The following NELL1 variants were observed in gnomAD, a reference collection of about 807,000 sequenced individuals.
NELL1 encodes neural EGFL like 1.
In NELL1, 76 loss-of-function variants were observed where a neutral mutation model predicts 107.4. The ratio of observed to expected loss-of-function variants is 0.71; its 90% CI spans 0.59 to 0.86. NELL1 has a LOEUF of 0.86. Ranked by LOEUF, NELL1 falls within the 40% of genes least tolerant of loss-of-function variation. The probability of loss-of-function intolerance (pLI) is 0.00; values close to 1 mark genes in which losing one functional copy is unlikely to be tolerated. For synonymous variants in NELL1, 353 were observed against 341.2 expected (o/e 1.03, Z -0.38); for missense variants, 1,024 against 1,005.5 (o/e 1.02, Z -0.25).
chr11:21,127,700 G>A (rs1439426963), intron 13 of NELL1, among the ~76,000 whole-genome samples: 4 of 152,078 alleles, frequency 2.6e-5, no homozygotes, highest in East Asian at 1.9e-4. Context: ...TTTGCATTTA[G>A]GAGTATTTAT....
intron 13 of NELL1, among the ~76,000 whole-genome samples, chr11:21,182,722 C>A (rs1164901410): frequency 6.6e-6 from 1 of 151,544 alleles, no homozygotes; most frequent in Non-Finnish European, 1.5e-5. Context: ...TTCCCAGGTG[C>A]TAGAGTCTCT....
chr11:20,735,372 A>G (rs983121904), intron 2 of NELL1, among the ~76,000 whole-genome samples: 13 of 152,164 alleles, frequency 8.5e-5, no homozygotes, highest in African/African-American at 3.1e-4. Context: ...ACTTACAATC[A>G]TGACAGAAGG....
At chr11:20,699,900 G>C (rs976362868) in intron 2 of NELL1, among the ~76,000 whole-genome samples, 34 of 152,176 alleles carry the variant, frequency 2.2e-4, no homozygotes, top group African/African-American at 8.0e-4. Flanking sequence ...CTTACCAGCA[G>C]TGTAAAAGTG....
intron 12 of NELL1, among the ~76,000 whole-genome samples, chr11:21,058,823 C>T (rs1479638886): frequency 6.6e-6 from 1 of 152,232 alleles, no homozygotes; most frequent in Admixed American, 6.5e-5. Context: ...CATTGAGTGT[C>T]AGAGGGACTA....
chr11:21,214,492 T>A (rs1398271141), intron 13 of NELL1, among the ~76,000 whole-genome samples: 1 of 152,144 alleles, frequency 6.6e-6, no homozygotes, highest in Non-Finnish European at 1.5e-5. Context: ...CATAATGCAT[T>A]ATTTCTATAC....
chr11:21,240,314 G>A (rs1272312201), intron 14 of NELL1, among the ~76,000 whole-genome samples: 3 of 152,008 alleles, frequency 2.0e-5, no homozygotes, highest in African/African-American at 7.2e-5. Context: ...CAAAATCTCT[G>A]TCATAAAAAT....
At chr11:20,931,597 A>G (rs1176706079) in intron 9 of NELL1, among the ~76,000 whole-genome samples, 1 of 152,200 alleles carries the variant, frequency 6.6e-6, no homozygotes, top group Non-Finnish European at 1.5e-5. Context: ...AAAAAAGACA[A>G]AGAAAAAATT....
At chr11:21,234,578 A>G (rs923894858) in intron 14 of NELL1, among the ~76,000 whole-genome samples, 1 of 152,214 alleles carries the variant, frequency 6.6e-6, no homozygotes, top group South Asian at 2.1e-4. Context: ...AATTCAGGTC[A>G]CTGTAGAAAC....
intron 12 of NELL1, among the ~76,000 whole-genome samples, chr11:21,035,564 G>T (rs929379821): frequency 1.3e-5 from 2 of 151,280 alleles, no homozygotes; most frequent in Non-Finnish European, 2.9e-5. Context: ...TCCCTCGAAC[G>T]CAAGCTTGGT....
At chr11:20,707,880 C>G (rs1001198968) in intron 2 of NELL1, among the ~76,000 whole-genome samples, 5 of 152,214 alleles carry the variant, frequency 3.3e-5, no homozygotes, top group African/African-American at 1.2e-4. Context: ...AGCTGTCAGA[C>G]AGGGACGTTT....
At chr11:20,862,285 A>G (rs1848991725) in intron 4 of NELL1, among the ~76,000 whole-genome samples, 1 of 94,838 alleles carries the variant, frequency 1.1e-5, no homozygotes, top group South Asian at 3.8e-4. Flanking sequence ...GTTATTCAAG[A>G]GTCATTTTTT....
chr11:21,352,717 T>C (rs1158008649), intron 14 of NELL1, among the ~76,000 whole-genome samples: 1 of 152,162 alleles, frequency 6.6e-6, no homozygotes, highest in African/African-American at 2.4e-5. Flanking sequence ...TAGGCTAGTT[T>C]CTATTGCAAA....
chr11:20,910,449 A>G (rs1850102923), intron 5 of NELL1, among the ~76,000 whole-genome samples: 1 of 152,168 alleles, frequency 6.6e-6, no homozygotes, highest in African/African-American at 2.4e-5. Flanking sequence ...TCTATCACAT[A>G]CTTTCCAACT....
At chr11:20,753,004 T>C (rs1456027922) in intron 2 of NELL1, among the ~76,000 whole-genome samples, 1 of 152,220 alleles carries the variant, frequency 6.6e-6, no homozygotes, top group Non-Finnish European at 1.5e-5. Context: ...TGATTCAATT[T>C]TTCCTTCCGG....
rs148640547 is a variant in NELL1, at chr11:21,545,136, A to T, written c.1786+10622A>T. On this transcript the variant is annotated intron_variant, in intron 16 of 19. Transcript: ENST00000357134. ...CCCTAAGTTAAATGTTCCCAGTCAT[A>T]ATGTTTTTGACAAACATATTTCTTT... Among the ~76,000 whole-genome samples, 423 of 152,130 alleles carry T rather than the reference A, an allele frequency of 2.8e-3. 2 individuals are homozygous for T. The highest frequency in any genetic ancestry group is 2.8e-3 in the Non-Finnish European group (193 of 67,956).
chr11:20,969,437 A>C (rs12578081), intron 12 of NELL1, among the ~76,000 whole-genome samples: 1 of 152,078 alleles, frequency 6.6e-6, no homozygotes, highest in South Asian at 2.1e-4. Flanking sequence ...AGGATGCTTT[A>C]TAATTAAGAG....
chr11:21,282,499 G>T (rs1361159555), intron 14 of NELL1, among the ~76,000 whole-genome samples: 1 of 142,222 alleles, frequency 7.0e-6, no homozygotes, highest in Non-Finnish European at 1.5e-5. Flanking sequence ...AAAAAAAAAA[G>T]GCTTATATGC....
chr11:21,322,131 G>T (rs146901618), intron 14 of NELL1, among the ~76,000 whole-genome samples: 401 of 152,270 alleles, frequency 2.6e-3, no homozygotes, highest in African/African-American at 9.1e-3. Context: ...CTCCTGTTTT[G>T]CAATGACAGG....
At chr11:20,741,270 C>G (rs1257006988) in intron 2 of NELL1, among the ~76,000 whole-genome samples, 4 of 152,100 alleles carry the variant, frequency 2.6e-5, no homozygotes, top group Non-Finnish European at 1.5e-5. Context: ...ATGTCTGATT[C>G]TTAATCCACG....
Sources: gnomAD v4.1 joint callset for allele counts (sites outside exome capture counted in the v4.1 genomes callset) on GRCh38, gnomAD v4.1.1 for gene constraint, MANE v1.5 for transcripts, NCBI Gene and HGNC (gene_info 2026-07-23, HGNC 2026-07-21) for gene names.